NTRK3: variants seen among roughly 807,000 people sequenced by gnomAD.
The protein encoded by NTRK3 is NT-3 growth factor receptor.
NTRK3 carries 24 observed loss-of-function variants against 91.7 expected under a neutral mutation model. The ratio of observed to expected loss-of-function variants is 0.26; its 90% CI spans 0.19 to 0.37. The LOEUF (loss-of-function observed/expected upper bound fraction) is 0.37, where lower values mean the gene tolerates loss of function less well. NTRK3 is among the 10% of genes least tolerant of loss of function. NTRK3 has a pLI of 1.00. For synonymous variants in NTRK3, 483 were observed against 404.0 expected, an observed-to-expected ratio of 1.20 and a Z score of -2.34; for missense variants, 880 against 1,068.9, an observed-to-expected ratio of 0.82 and a Z score of 2.46.
chr15:88,047,431 GA>G (rs199972150), intron 13 of NTRK3, among the ~76,000 whole-genome samples: 3 of 150,254 alleles, frequency 2.0e-5, no homozygotes, highest in African/African-American at 2.4e-5. Context: ...GGTACCAAGG[GA>G]AAAAAAAAGT....
chr15:88,130,046 C>G (rs1439665965), intron 10 of NTRK3, among the ~76,000 whole-genome samples: 1 of 152,152 alleles, frequency 6.6e-6, no homozygotes, highest in Non-Finnish European at 1.5e-5. Flanking sequence ...GCCAAGCAGA[C>G]AGGCCTCAGG....
chr15:87,900,032 G>T (rs1050672776), intron 17 of NTRK3, among the ~76,000 whole-genome samples: 4 of 152,178 alleles, frequency 2.6e-5, no homozygotes, highest in African/African-American at 9.7e-5. Flanking sequence ...GCTTGCTGCT[G>T]AGAGGAGAGA....
At chr15:88,145,709 C>T (rs2151299353) in intron 6 of NTRK3, among the ~76,000 whole-genome samples, 1 of 152,302 alleles carries the variant, frequency 6.6e-6, no homozygotes, top group African/African-American at 2.4e-5. Context: ...CCCCCTATGT[C>T]CCCTGGAGAG....
chr15:88,007,370 G>T (rs1237447483), intron 14 of NTRK3, among the ~76,000 whole-genome samples: 1 of 152,150 alleles, frequency 6.6e-6, no homozygotes, highest in Non-Finnish European at 1.5e-5. Flanking sequence ...GTTTCAGGCA[G>T]AACAATCAGG....
chr15:88,154,998 G>A (rs921717558), intron 5 of NTRK3, among the ~76,000 whole-genome samples: 6 of 152,096 alleles, frequency 3.9e-5, no homozygotes, highest in African/African-American at 7.2e-5. Flanking sequence ...CCTGTAGGTC[G>A]GCAGTCTGTT....
intron 3 of NTRK3, among the ~76,000 whole-genome samples, chr15:88,192,951 C>T (rs1191985133): frequency 6.6e-6 from 1 of 152,124 alleles, no homozygotes. Context: ...CTGTAATTGT[C>T]TTATTAGATT....
intron 14 of NTRK3, among the ~76,000 whole-genome samples, chr15:87,971,807 C>G: frequency 6.6e-6 from 1 of 152,168 alleles, no homozygotes; most frequent in East Asian, 1.9e-4. Flanking sequence ...CCTAGAAGAG[C>G]ACATGTGCTC....
At chr15:88,209,394 G>A (rs1377689895) in intron 3 of NTRK3, among the ~76,000 whole-genome samples, 1 of 152,222 alleles carries the variant, frequency 6.6e-6, no homozygotes, top group East Asian at 1.9e-4. Context: ...TTACCAGCTG[G>A]TGCTATTTGG....
At chr15:88,100,292 T>A (rs1158425055) in intron 13 of NTRK3, among the ~76,000 whole-genome samples, 1 of 152,150 alleles carries the variant, frequency 6.6e-6, no homozygotes. Flanking sequence ...TACAAGTGTG[T>A]TATAACCAAA....
chr15:88,128,110 T>C (rs1445728314), intron 11 of NTRK3, among the ~76,000 whole-genome samples: 2 of 151,818 alleles, frequency 1.3e-5, no homozygotes, highest in East Asian at 3.9e-4. Context: ...CCACCTCCCA[T>C]GGAGAAAAAA....
chr15:88,106,081 T>C (rs2050677277), intron 13 of NTRK3, among the ~76,000 whole-genome samples: 1 of 152,234 alleles, frequency 6.6e-6, no homozygotes, highest in Admixed American at 6.5e-5. Context: ...TTGTCAAGAT[T>C]ACATATTTTC....
At chr15:87,896,192 G>C (rs2066112840) in intron 17 of NTRK3, among the ~76,000 whole-genome samples, 1 of 152,122 alleles carries the variant, frequency 6.6e-6, no homozygotes, top group African/African-American at 2.4e-5. Flanking sequence ...TATTTTACAG[G>C]CCAGGTGCAG....
intron 13 of NTRK3, among the ~76,000 whole-genome samples, chr15:88,063,931 A>G (rs562013972): frequency 2.2e-3 from 338 of 152,336 alleles, no homozygotes; most frequent in Non-Finnish European, 4.1e-3. Context: ...CCCAAAAGAC[A>G]TATGTCCACC....
intron 3 of NTRK3, among the ~76,000 whole-genome samples, chr15:88,198,018 A>G (rs2047979295): frequency 6.6e-6 from 1 of 152,246 alleles, no homozygotes; most frequent in Non-Finnish European, 1.5e-5. Context: ...TGGAGGCATC[A>G]TAACAATGAA....
chr15:88,087,021 A>C (rs555703791), intron 13 of NTRK3, among the ~76,000 whole-genome samples: 1 of 152,356 alleles, frequency 6.6e-6, no homozygotes, highest in African/African-American at 2.4e-5. Flanking sequence ...CGGGTGCATC[A>C]CTGCATTGGG....
At chr15:88,049,980 A>G (rs567804143) in intron 13 of NTRK3, among the ~76,000 whole-genome samples, 2 of 151,900 alleles carry the variant, frequency 1.3e-5, no homozygotes, top group Non-Finnish European at 2.9e-5. Context: ...TTCACACTCA[A>G]CAATTTTAGA....
chr15:88,111,902 GTTTTTGTTTT>G (rs1323289427), intron 13 of NTRK3, among the ~76,000 whole-genome samples: 9 of 91,766 alleles, frequency 9.8e-5, no homozygotes, highest in Admixed American at 1.8e-4. Flanking sequence ...TTTTTTTTTT[GTTTTTGTTTT>G]TTTTTTTTGA....
At chr15:88,034,717 T>A (rs2078916694) in intron 13 of NTRK3, among the ~76,000 whole-genome samples, 1 of 152,188 alleles carries the variant, frequency 6.6e-6, no homozygotes, top group Admixed American at 6.5e-5. Flanking sequence ...GACTGGTAAA[T>A]GCAAATGGAG....
intron 14 of NTRK3, 43 bp from the exon 15 acceptor site, chr15:87,940,796 G>T (rs760491307): frequency 1.2e-6 from 2 of 1,613,628 alleles, no homozygotes; most frequent in Admixed American, 1.7e-5. Context: ...ATCAGTCCTC[G>T]TTTGGTGACA....
Sources: gnomAD v4.1 joint callset for allele counts (sites outside exome capture counted in the v4.1 genomes callset) on GRCh38, gnomAD v4.1.1 for gene constraint, MANE v1.5 for transcripts, NCBI Gene and HGNC (gene_info 2026-07-23, HGNC 2026-07-21) for gene names.